Variants in DENND5B observed in about 807,000 individuals in gnomAD.
DENND5B encodes DENN domain-containing protein 5B.
Under a neutral mutation model 140.6 loss-of-function variants are expected in DENND5B, and 34 were observed. That is an observed-to-expected ratio of 0.24 (90% confidence interval 0.18 to 0.32). The LOEUF is 0.32. Ranked by LOEUF, DENND5B falls within the 10% of genes least tolerant of loss-of-function variation. The pLI is 1.00. For synonymous variants in DENND5B, 551 were observed against 562.1 expected (o/e 0.98, Z 0.28); for missense variants, 1,142 against 1,560.2 (o/e 0.73, Z 4.52).
chr12:31,587,802 C>T (rs1296758912), intron 1 of DENND5B, among the ~76,000 whole-genome samples: 1 of 152,086 alleles, frequency 6.6e-6, no homozygotes. Flanking sequence ...CTGCCTCGGC[C>T]TTCCAAAGTG....
intron 1 of DENND5B, among the ~76,000 whole-genome samples, chr12:31,516,470 C>CGTGAGG (rs1947651586): frequency 1.4e-5 from 2 of 142,778 alleles, no homozygotes; most frequent in Non-Finnish European, 3.0e-5. Flanking sequence ...AGAGTGAGAC[C>CGTGAGG]CTGTCTCAAA....
chr12:31,387,488 A>G lies in DENND5B; in HGVS notation c.*115T>C. ...GTCTGTAGAGTGAGGATTGTTCCAA[A>G]TGGGGCATATGTTTGGCTGCCCCTG... On this transcript the variant is annotated 3_prime_UTR_variant, in exon 21 of 21. Coordinates refer to ENST00000389082, the MANE Select transcript of DENND5B (RefSeq NM_144973.4). The G allele has an allele frequency of 9.6e-7, 1 of 1,040,152 alleles. No homozygotes were observed. The highest frequency in any genetic ancestry group is 1.4e-6 in the Non-Finnish European group (1 of 716,140). 64.4% of individuals were successfully genotyped at this position (1,040,152 alleles called of 1,614,324 possible).
intron 3 of DENND5B, among the ~76,000 whole-genome samples, chr12:31,476,931 CAA>C (rs1365122354): frequency 3.3e-5 from 5 of 152,074 alleles, no homozygotes; most frequent in Non-Finnish European, 5.9e-5. Context: ...GTCTAGAATA[CAA>C]AGTTCTTTTT....
intron 3 of DENND5B, among the ~76,000 whole-genome samples, chr12:31,466,574 T>C (rs1347968966): frequency 6.6e-6 from 1 of 151,986 alleles, no homozygotes; most frequent in Non-Finnish European, 1.5e-5. Context: ...GCGCCTGTAG[T>C]CCCAGCTACT....
chr12:31,452,163 T>G lies in DENND5B; in HGVS notation c.1406A>C (p.Glu469Ala). The G allele has an allele frequency of 6.2e-7, 1 of 1,613,974 alleles. No homozygotes were observed. The highest frequency in any genetic ancestry group is 8.5e-7 in the Non-Finnish European group (1 of 1,179,884). Residue 469 changes from glutamate to alanine, a missense_variant, in exon 5 of 21, where the codon GAA becomes GCA. Around this residue, in one of 5 missense-constraint regions of DENND5B, gnomAD observed 708 missense variants for 905.5 expected, o/e 0.78. Transcript: ENST00000389082. ...CAGAGAAGCAGAGAGGTCCATTTTTTCCACAGCCACACCAGTACGCTTGGC... is the reference window on the plus strand; with the variant it reads ...CAGAGAAGCAGAGAGGTCCATTTTTGCCACAGCCACACCAGTACGCTTGGC... ...ALAKRTGVAV[E>A]KMDLSASLGE...
intron 1 of DENND5B, among the ~76,000 whole-genome samples, chr12:31,549,400 T>G (rs1948964235): frequency 6.6e-6 from 1 of 152,154 alleles, no homozygotes; most frequent in Admixed American, 6.6e-5. Flanking sequence ...TTAAAATTAT[T>G]CTGAAACAAA....
intron 1 of DENND5B, among the ~76,000 whole-genome samples, chr12:31,512,253 A>T (rs887572941): frequency 4.0e-5 from 6 of 150,070 alleles, no homozygotes; most frequent in African/African-American, 1.5e-4. Flanking sequence ...TTGCTCTGTG[A>T]CCCGGGTTGG....
intron 1 of DENND5B, among the ~76,000 whole-genome samples, chr12:31,567,053 G>A (rs1565702683): frequency 1.3e-5 from 2 of 152,306 alleles, no homozygotes; most frequent in Non-Finnish European, 2.9e-5. Flanking sequence ...ACTATCGCAT[G>A]TATATTCCTA....
At chr12:31,504,581 A>G (rs1947123647) in intron 1 of DENND5B, among the ~76,000 whole-genome samples, 1 of 152,192 alleles carries the variant, frequency 6.6e-6, no homozygotes, top group South Asian at 2.1e-4. Context: ...TCATGGTTAA[A>G]TATTTCTTCA....
intron 1 of DENND5B, among the ~76,000 whole-genome samples, chr12:31,575,742 C>G (rs937218106): frequency 1.3e-5 from 2 of 151,834 alleles, no homozygotes; most frequent in Non-Finnish European, 2.9e-5. Flanking sequence ...TAGCTTGAGT[C>G]CAGGAGTTCG....
chr12:31,574,141 T>C (rs992574861), intron 1 of DENND5B, among the ~76,000 whole-genome samples: 4 of 151,214 alleles, frequency 2.6e-5, no homozygotes, highest in African/African-American at 4.9e-5. Flanking sequence ...CATGTGCCTG[T>C]GGTCCCAGCT....
At chr12:31,562,252 A>C (rs1012526884) in intron 1 of DENND5B, among the ~76,000 whole-genome samples, 3 of 152,204 alleles carry the variant, frequency 2.0e-5, no homozygotes, top group Non-Finnish European at 4.4e-5. Context: ...CAATTTATGT[A>C]CCCACAGGTA....
chr12:31,479,462 C>T (rs1022339149), intron 3 of DENND5B, 127 bp downstream of exon 3: 1 of 904,880 alleles, frequency 1.1e-6, no homozygotes, highest in Non-Finnish European at 1.5e-6. Context: ...ACCATACCTG[C>T]TCCCTTTACA....
Position 31,384,112 on chromosome 12 carries a change from A to G in DENND5B, c.*3491T>C, listed in dbSNP as rs1431767071. 6.6e-6 allele frequency: 1 copy of G among 152,188 alleles called. No homozygotes were observed. Among genetic ancestry groups the G allele is most frequent in the African/African-American group, 2.4e-5 (1 of 41,432 alleles). The allele number at this position is 152,188 out of a possible 1,614,324, so 9.4% of individuals were successfully genotyped here. ...AGCTTAAAAGTCAAGCATTTATTCT[A>G]AGCATTCTGCTACTACTGTTGTGCT... On this transcript the variant is annotated 3_prime_UTR_variant, in exon 21 of 21. Coordinates refer to ENST00000389082, the MANE Select transcript of DENND5B (RefSeq NM_144973.4).
chr12:31,460,194 C>G lies in DENND5B; in HGVS notation c.1092G>C (p.Glu364Asp). 2 of 1,607,628 alleles carry G rather than the reference C, an allele frequency of 1.2e-6. No individual in the cohort carries two copies. Among genetic ancestry groups the G allele is most frequent in the Non-Finnish European group, 1.7e-6 (2 of 1,176,168 alleles). ...TDRSKLELPQ[E>D]ANLCFVDIDN... ...GCTTCATCATTCATTGTAGTTTTACCTCTTGAGGAAGTTCTAGTTTAGAAC... is the reference window on the plus strand; with the variant it reads ...GCTTCATCATTCATTGTAGTTTTACGTCTTGAGGAAGTTCTAGTTTAGAAC... Residue 364 changes from glutamate to aspartate, a missense_variant and splice_region_variant, in exon 4 of 21, where the codon GAG (glutamate) becomes GAC (aspartate). Around this residue, in one of 5 missense-constraint regions of DENND5B, gnomAD observed 708 missense variants for 905.5 expected, o/e 0.78. Coordinates refer to ENST00000389082, the MANE Select transcript of DENND5B (RefSeq NM_144973.4).
At chr12:31,424,733 A>G in intron 9 of DENND5B, 46 bp from the exon 10 acceptor site, 1 of 1,587,526 alleles carries the variant, frequency 6.3e-7, no homozygotes, top group Non-Finnish European at 8.6e-7. Flanking sequence ...CAGTGAAACC[A>G]AAAACCAACA....
In DENND5B at chr12:31,509,656, A is replaced by G. The variant is rs772937766; in HGVS notation, c.128-13737T>C. On this transcript the variant is annotated intron_variant, in intron 1 of 20. Coordinates refer to ENST00000389082, the MANE Select transcript of DENND5B (RefSeq NM_144973.4). The stretch of plus-strand genomic sequence containing the variant: ...GGAAAAAATAGTGAACAAAATATCC[A>G]AAATAATCCTTGCTCTCACAGTTTA... Among the ~76,000 whole-genome samples the G allele has an allele frequency of 3.9e-5, 6 of 152,244 alleles. No individual in the cohort carries two copies. The South Asian group carries it at 8.3e-4, about 21-fold the overall frequency.
chr12:31,526,847 C>T (rs914540363), intron 1 of DENND5B, among the ~76,000 whole-genome samples: 6 of 152,202 alleles, frequency 3.9e-5, no homozygotes, highest in African/African-American at 4.8e-5. Context: ...TGGAACTCTT[C>T]CGCAAATCCA....
chr12:31,478,305 TTA>T (rs1252708552), intron 3 of DENND5B, among the ~76,000 whole-genome samples: 3 of 152,180 alleles, frequency 2.0e-5, no homozygotes, highest in Non-Finnish European at 2.9e-5. Context: ...TCAGCCCCAC[TTA>T]TAATTTAAAA....
Sources: allele counts gnomAD v4.1 joint callset (sites outside exome capture counted in the v4.1 genomes callset), GRCh38; gene constraint gnomAD v4.1.1; regional missense constraint gnomAD v4.1.1; transcripts MANE v1.5; gene names NCBI Gene and HGNC (gene_info 2026-07-23, HGNC 2026-07-21).